BBX: variants seen among roughly 807,000 people sequenced by gnomAD.
BBX encodes the protein HMG box transcription factor BBX.
In BBX, 30 loss-of-function variants were observed where a neutral mutation model predicts 100.2. The ratio of observed to expected loss-of-function variants is 0.30; its 90% CI spans 0.22 to 0.41. The LOEUF (loss-of-function observed/expected upper bound fraction) is 0.41. Ranked by LOEUF, BBX falls within the 10% of genes least tolerant of loss-of-function variation. The probability of loss-of-function intolerance (pLI) is 1.00; values close to 1 mark genes in which losing one functional copy is unlikely to be tolerated. For missense variants in BBX, 1,023 were observed against 1,129.8 expected, an observed-to-expected ratio of 0.91 and a Z score of 1.35; for synonymous variants, 376 against 388.1, an observed-to-expected ratio of 0.97 and a Z score of 0.37.
intron 2 of BBX, among the ~76,000 whole-genome samples, chr3:107,617,838 G>A (rs1005579055): frequency 2.6e-5 from 4 of 151,794 alleles, no homozygotes; most frequent in East Asian, 1.9e-4. Context: ...TCTGTAAATA[G>A]GGATCGTTTT....
chr3:107,650,393 C>A (rs1298260265), intron 3 of BBX, among the ~76,000 whole-genome samples: 2 of 152,090 alleles, frequency 1.3e-5, no homozygotes, highest in African/African-American at 2.4e-5. Flanking sequence ...CCATCCCCCC[C>A]ACCTCCCCTA....
rs550947446 is a variant in BBX at position 107,651,436 on chromosome 3, G to A, written c.-10+5527G>A. Among the ~76,000 whole-genome samples the A allele has an allele frequency of 1.3e-3, 205 of 152,158 alleles. 2 individuals are homozygous for A. Among genetic ancestry groups the A allele is most frequent in the Middle Eastern group, 3.4e-3 (1 of 294 alleles). Reference sequence around the variant, plus strand: ...GAAAATTCAAGTGATTTATATGATGGAGGAATTACATCATTATAAAAATTG... The same window carrying A: ...GAAAATTCAAGTGATTTATATGATGAAGGAATTACATCATTATAAAAATTG... On this transcript the variant is annotated intron_variant, in intron 3 of 17. Transcript: ENST00000325805.
intron 2 of BBX, among the ~76,000 whole-genome samples, chr3:107,559,034 G>A (rs1316224832): frequency 2.0e-5 from 3 of 152,180 alleles, no homozygotes; most frequent in African/African-American, 4.8e-5. Context: ...AGGCATAGTG[G>A]CATGCAAATG....
intron 3 of BBX, chr3:107,661,953 T>C: frequency 1.0e-6 from 1 of 955,946 alleles, no homozygotes; most frequent in Non-Finnish European, 1.2e-6. Context: ...TAGTAAGTCA[T>C]TCAGCATTTG....
At chr3:107,628,103 G>A (rs2056315847) in intron 2 of BBX, among the ~76,000 whole-genome samples, 1 of 152,042 alleles carries the variant, frequency 6.6e-6, no homozygotes, top group South Asian at 2.1e-4. Flanking sequence ...ATGGCAATCA[G>A]TAGACTATCT....
At chr3:107,622,478 G>A (rs935108168) in intron 2 of BBX, among the ~76,000 whole-genome samples, 9 of 152,120 alleles carry the variant, frequency 5.9e-5, no homozygotes, top group Admixed American at 3.9e-4. Context: ...CTGTACATGC[G>A]TGTTTATATA....
At chr3:107,655,053 C>CT (rs2058054237) in intron 3 of BBX, among the ~76,000 whole-genome samples, 2 of 152,202 alleles carry the variant, frequency 1.3e-5, no homozygotes, top group Admixed American at 1.3e-4. Context: ...CGGCTTCAAA[C>CT]TGTACATTTT....
chr3:107,714,555 T>C (rs970516306), intron 4 of BBX, among the ~76,000 whole-genome samples: 1 of 152,208 alleles, frequency 6.6e-6, no homozygotes, highest in Non-Finnish European at 1.5e-5. Flanking sequence ...GTACACTTTT[T>C]AGTTTTTTTT....
chr3:107,740,932 A>G (rs1229828893), intron 7 of BBX, among the ~76,000 whole-genome samples: 1 of 149,492 alleles, frequency 6.7e-6, no homozygotes, highest in Non-Finnish European at 1.5e-5. Context: ...AGGCTTAGGC[A>G]CATTTCCTTT....
At chr3:107,774,966 C>A in intron 12 of BBX, 109 bp downstream of exon 12, 1 of 1,303,106 alleles carries the variant, frequency 7.7e-7, no homozygotes, top group South Asian at 1.7e-5. Context: ...TGACTACTCG[C>A]TCAGGACTTC....
intron 7 of BBX, among the ~76,000 whole-genome samples, chr3:107,737,903 T>G (rs1298817961): frequency 3.5e-5 from 5 of 143,018 alleles, no homozygotes; most frequent in Admixed American, 1.4e-4. Flanking sequence ...TTTTTTTTTT[T>G]TTTTTTTTTT....
chr3:107,616,192 T>A (rs1255218972), intron 2 of BBX, among the ~76,000 whole-genome samples: 2 of 151,874 alleles, frequency 1.3e-5, no homozygotes, highest in East Asian at 3.9e-4. Context: ...AAAATTTTTT[T>A]AGTGCCAACA....
At chr3:107,676,170 A>G (rs188263159) in intron 3 of BBX, among the ~76,000 whole-genome samples, 1 of 152,298 alleles carries the variant, frequency 6.6e-6, no homozygotes, top group East Asian at 1.9e-4. Flanking sequence ...AAAACAAAAC[A>G]ATGAGTCTAT....
intron 1 of BBX, chr3:107,525,481 C>T (rs1424117633): frequency 6.6e-6 from 1 of 152,332 alleles, no homozygotes; most frequent in East Asian, 1.9e-4. Flanking sequence ...ACTTTTACGC[C>T]CGGAGTGTGG....
intron 10 of BBX, among the ~76,000 whole-genome samples, chr3:107,764,548 T>C (rs2066214398): frequency 1.3e-5 from 2 of 152,224 alleles, no homozygotes; most frequent in Non-Finnish European, 2.9e-5. Context: ...TATCAAATAT[T>C]TATGCCCATC....
chr3:107,707,681 G>A (rs939543875), intron 3 of BBX, among the ~76,000 whole-genome samples: 10 of 152,156 alleles, frequency 6.6e-5, no homozygotes, highest in Admixed American at 6.5e-4. Flanking sequence ...TGGTATGTGA[G>A]CTACGTGGGA....
chr3:107,698,290 T>C (rs911611176), intron 3 of BBX, among the ~76,000 whole-genome samples: 2 of 151,752 alleles, frequency 1.3e-5, no homozygotes, highest in South Asian at 2.1e-4. Flanking sequence ...TTTAAACTTT[T>C]ACCATTTTAG....
chr3:107,791,334 C>T (rs544058515), intron 15 of BBX, 35 bp downstream of exon 15: 20 of 1,569,210 alleles, frequency 1.3e-5, no homozygotes, highest in East Asian at 2.2e-5. Context: ...TTGAGACAAT[C>T]GGAGCTGGAA....
chr3:107,734,814 A>G (rs1212728051), intron 7 of BBX, among the ~76,000 whole-genome samples: 1 of 151,994 alleles, frequency 6.6e-6, no homozygotes, highest in African/African-American at 2.4e-5. Context: ...AAGTTCTCCT[A>G]CTCCTTCTTA....
Sources: allele counts gnomAD v4.1 joint callset (sites outside exome capture counted in the v4.1 genomes callset), GRCh38; gene constraint gnomAD v4.1.1; transcripts MANE v1.5; gene names NCBI Gene and HGNC (gene_info 2026-07-23, HGNC 2026-07-21).